Variants in ZNF517 observed in about 807,000 individuals in gnomAD.
The protein encoded by ZNF517 is zinc finger protein 517.
In ZNF517, 12 loss-of-function variants were observed where a neutral mutation model predicts 12.1. That is an observed-to-expected ratio of 0.99 (90% CI 0.63 to 1.61). The LOEUF is 1.61. Among genes scored for constraint, ZNF517 ranks in the 40% most tolerant of loss-of-function variants. ZNF517 has a pLI of 0.00. For synonymous variants in ZNF517, 388 were observed against 310.2 expected (o/e 1.25, Z -2.63); for missense variants, 781 against 693.2 (o/e 1.13, Z -1.42).
intron 3 of ZNF517, 63 bp downstream of exon 3, chr8:144,803,830 T>C (rs1318875675): frequency 1.2e-5 from 19 of 1,571,248 alleles, no homozygotes; most frequent in Middle Eastern, 1.7e-4. Flanking sequence ...TCAAAGGAAG[T>C]TGGTTCCATT....
At position 144,808,516 on chromosome 8, in the gene ZNF517, T is replaced by A; in HGVS notation, c.*121T>A. On this transcript the variant is annotated 3_prime_UTR_variant, in exon 5 of 5. Transcript: ENST00000359971. ...AGCAAAGTCTAAAGAAAGGGCCAGC[T>A]CCCATCAGGAGCTCGGCTTCTTGCT... 7.8e-7 allele frequency: 1 copy of A among 1,288,500 alleles called. No individual in the cohort carries two copies. The highest frequency in any genetic ancestry group is 9.9e-7 in the Non-Finnish European group (1 of 1,009,450). The allele number at this position is 1,288,500 out of a possible 1,614,324, so 79.8% of individuals were successfully genotyped here.
At position 144,807,612 on chromosome 8, in the gene ZNF517, G is replaced by C. The variant is rs747820321; in HGVS notation, c.696G>C (p.Pro232=). 1 of 1,608,330 alleles carries C rather than the reference G, an allele frequency of 6.2e-7. No homozygotes were observed. The highest frequency in any genetic ancestry group is 8.5e-7 in the Non-Finnish European group (1 of 1,178,162). The change falls in exon 5 of 5, where the codon CCG becomes CCC. Residue 232 remains proline, a synonymous_variant. Transcript: ENST00000359971. The part of the protein sequence containing the change: ...RHQLIHTEEK[P]FQCGECGKAF... Reference sequence around the variant, plus strand: ...AGCTGATCCACACTGAGGAGAAGCCGTTCCAGTGCGGCGAGTGCGGGAAGG... The same window carrying C: ...AGCTGATCCACACTGAGGAGAAGCCCTTCCAGTGCGGCGAGTGCGGGAAGG...
chr8:144,806,887 A>G (rs2130447600), intron 4 of ZNF517, among the ~76,000 whole-genome samples: 1 of 152,190 alleles, frequency 6.6e-6, no homozygotes, highest in East Asian at 1.9e-4. Context: ...TTCACAGTGT[A>G]GATGTTTATT....
At position 144,807,539 on chromosome 8, in the gene ZNF517, C is replaced by T. The variant is rs751881687; in HGVS notation, c.623C>T (p.Thr208Ile). 1.3e-6 allele frequency: 2 copies of T among 1,597,220 alleles called. No individual in the cohort carries two copies. Among genetic ancestry groups the T allele is most frequent in the Non-Finnish European group, 1.7e-6 (2 of 1,172,356 alleles). The stretch of plus-strand genomic sequence containing the variant: ...ACCGGCGCCAAGCCCTTCCAGTGCA[C>T]AGAGTGCGGGAAGGCCTTCAAGCAA... ...IHTGAKPFQCTECGKAFKQSS... is the reference protein window; with the variant it reads ...IHTGAKPFQCIECGKAFKQSS... Residue 208 changes from threonine (T) to isoleucine (I), a missense_variant, in exon 5 of 5, where the codon ACA becomes ATA. Coordinates refer to ENST00000359971, the MANE Select transcript of ZNF517 (RefSeq NM_213605.3).
Position 144,809,973 on chromosome 8 carries a change from A to C in ZNF517, c.*1578A>C, listed in dbSNP as rs2979082. The C allele has an allele frequency of 9.3e-6, 4 of 432,288 alleles. No individual in the cohort carries two copies. Among genetic ancestry groups the C allele is most frequent in the Non-Finnish European group, 1.2e-5 (3 of 241,392 alleles). 26.8% of individuals were successfully genotyped at this position (432,288 alleles called of 1,614,324 possible). ...GAGGCTGAAGCAGGAGAATCACTTC[A>C]ACCTGGGAGGTAGAGGTTGCAGTGA... On this transcript the variant is annotated 3_prime_UTR_variant, in exon 5 of 5. Coordinates refer to ENST00000359971, the MANE Select transcript of ZNF517 (RefSeq NM_213605.3).
Position 144,808,674 on chromosome 8 carries a change from G to C in ZNF517, c.*279G>C. ...GGCAGAAGGGAGAGAGGGAGGGGCAGCTATGCTCAGTCCCCAAAGAGCAGG... is the reference window on the plus strand; with the variant it reads ...GGCAGAAGGGAGAGAGGGAGGGGCACCTATGCTCAGTCCCCAAAGAGCAGG... On this transcript the variant is annotated 3_prime_UTR_variant, in exon 5 of 5. Transcript: ENST00000359971. 1 of 354,270 alleles carries C rather than the reference G, an allele frequency of 2.8e-6. No individual in the cohort carries two copies. Among genetic ancestry groups the C allele is most frequent in the South Asian group, 9.3e-5 (1 of 10,718 alleles). 21.9% of individuals were successfully genotyped at this position (354,270 alleles called of 1,614,324 possible).
downstream of ZNF517, among the ~76,000 whole-genome samples, chr8:144,813,315 CAAAA>C (rs55851018): frequency 1.3e-3 from 135 of 103,870 alleles, no homozygotes; most frequent in East Asian, 3.4e-3. Flanking sequence ...GACTCTGTCT[CAAAA>C]AAAAAAAAAA....
At chr8:144,800,695 T>C in intron 1 of ZNF517, 4 of 985,392 alleles carry the variant, frequency 4.1e-6, no homozygotes, top group Non-Finnish European at 4.8e-6. Flanking sequence ...GTTTGCAGTC[T>C]GTGCCCTCTG....
chr8:144,811,341 T>C (rs1204675456), downstream of ZNF517, among the ~76,000 whole-genome samples: 1 of 152,264 alleles, frequency 6.6e-6, no homozygotes, highest in Non-Finnish European at 1.5e-5. Flanking sequence ...TCAGGTCCAA[T>C]CAGCTTCTGA....
rs1221886751 is a variant in ZNF517 at position 144,802,927 on chromosome 8, C to G, written c.13C>G (p.Leu5Val). The stretch of plus-strand genomic sequence containing the variant: ...GAGGGACCCTGGAATGGCGATGGCA[C>G]TCCCGATGCCTGGACCTCAGGTGAG... MAMALPMPGPQEAVV... is the reference protein window; with the variant it reads MAMAVPMPGPQEAVV... Residue 5 changes from leucine (L) to valine (V), a missense_variant, in exon 2 of 5, where the codon CTC (leucine) becomes GTC (valine). Leu to Val is a conservative substitution (Grantham distance 32). Coordinates refer to ENST00000359971, the MANE Select transcript of ZNF517 (RefSeq NM_213605.3). 4 of 1,613,834 alleles carry G rather than the reference C, an allele frequency of 2.5e-6. No homozygotes were observed. The highest frequency in any genetic ancestry group is 1.7e-6 in the Non-Finnish European group (2 of 1,179,916).
chr8:144,806,459 C>T (rs1267729706), intron 4 of ZNF517, among the ~76,000 whole-genome samples: 3 of 152,038 alleles, frequency 2.0e-5, no homozygotes, highest in African/African-American at 4.8e-5. Context: ...CCTTCTCACC[C>T]GAACCCTGAT....
chr8:144,812,920 A>G (rs969567706), downstream of ZNF517, among the ~76,000 whole-genome samples: 1 of 152,178 alleles, frequency 6.6e-6, no homozygotes, highest in Non-Finnish European at 1.5e-5. Flanking sequence ...AAATTAACAT[A>G]CAAAACCCAG....
At chr8:144,803,003 C>T in intron 2 of ZNF517, 56 bp downstream of exon 2, 4 of 1,608,162 alleles carry the variant, frequency 2.5e-6, no homozygotes, top group South Asian at 1.1e-5. Flanking sequence ...CCCCTAGCCT[C>T]AGCTTTTCAG....
At chr8:144,805,158 G>A (rs572621416) in intron 4 of ZNF517, among the ~76,000 whole-genome samples, 51 of 152,326 alleles carry the variant, frequency 3.3e-4, no homozygotes, top group African/African-American at 1.1e-3. Context: ...CTAAGTAACG[G>A]GCGTCTTCCC....
intron 3 of ZNF517, 160 bp from the exon 4 acceptor site, chr8:144,803,965 C>T (rs1827098998): frequency 3.9e-6 from 4 of 1,033,638 alleles, no homozygotes; most frequent in Non-Finnish European, 5.5e-6. Context: ...CTGGGGCAGG[C>T]CCCCCATCTC....
chr8:144,808,550 G>A lies in ZNF517; in HGVS notation c.*155G>A. 8.8e-7 allele frequency: 1 copy of A among 1,141,346 alleles called. No individual in the cohort carries two copies. The highest frequency in any genetic ancestry group is 3.1e-5 in the East Asian group (1 of 31,762). 70.7% of individuals were successfully genotyped at this position (1,141,346 alleles called of 1,614,324 possible). On this transcript the variant is annotated 3_prime_UTR_variant, in exon 5 of 5. Coordinates refer to ENST00000359971, the MANE Select transcript of ZNF517 (RefSeq NM_213605.3). ...GAGCTCGGCTTCTTGCTCCAGCCGG[G>A]CACTGGGGAGGGAAAGGGCACCAGG...
At chr8:144,800,700 C>G (rs1467723039) in intron 1 of ZNF517, 1 of 985,310 alleles carries the variant, frequency 1.0e-6, no homozygotes, top group Non-Finnish European at 1.2e-6. Context: ...CAGTCTGTGC[C>G]CTCTGTGCAG....
At chr8:144,803,982 G>T in intron 3 of ZNF517, 143 bp from the exon 4 acceptor site, 3 of 1,063,160 alleles carry the variant, frequency 2.8e-6, no homozygotes, top group Non-Finnish European at 2.7e-6. Flanking sequence ...TCTCCCCCTG[G>T]CCACCTAGCT....
intron 1 of ZNF517, 38 bp from the exon 2 acceptor site, chr8:144,802,832 C>T: frequency 6.2e-7 from 1 of 1,610,682 alleles, no homozygotes; most frequent in Non-Finnish European, 8.5e-7. Context: ...GGGCCTTAGG[C>T]CTGGGCTCTT....
Sources: allele counts gnomAD v4.1 joint callset (sites outside exome capture counted in the v4.1 genomes callset), GRCh38; gene constraint gnomAD v4.1.1; transcripts MANE v1.5; gene names NCBI Gene and HGNC (gene_info 2026-07-23, HGNC 2026-07-21).